The following SOBP variants were observed in gnomAD, a reference collection of about 807,000 sequenced individuals.
The protein encoded by SOBP is sine oculis binding protein homolog.
In SOBP, 4 loss-of-function variants were observed where a neutral mutation model predicts 53.6. That is an observed-to-expected ratio of 0.07 (90% CI 0.04 to 0.17). The LOEUF (loss-of-function observed/expected upper bound fraction) is 0.17, where lower values mean the gene tolerates loss of function less well. Ranked by LOEUF, SOBP falls within the 10% of genes least tolerant of loss-of-function variation. The pLI, the probability that SOBP is intolerant of heterozygous loss-of-function variation, is 1.00. For missense variants in SOBP, 1,088 were observed against 1,204.7 expected (o/e 0.90, Z 1.43); for synonymous variants, 584 against 522.6 (o/e 1.12, Z -1.60).
At position 107,654,553 on chromosome 6, in the gene SOBP, A is replaced by C. The variant is rs553959338; in HGVS notation, c.*4-3654A>C. ...GTATACTGGTAACAGATTAATATTC[A>C]GTTGTTCAAGTTTATAATTCTACAT... On this transcript the variant is annotated intron_variant, in intron 6 of 6. Coordinates refer to ENST00000317357, the MANE Select transcript of SOBP (RefSeq NM_018013.4). Among the ~76,000 whole-genome samples, 5 of 152,350 alleles carry C rather than the reference A, an allele frequency of 3.3e-5. No individual in the cohort carries two copies. In the East Asian group the frequency reaches 9.6e-4, roughly 29 times the overall value.
intron 3 of SOBP, among the ~76,000 whole-genome samples, chr6:107,519,990 T>G (rs747376221): frequency 2.0e-5 from 3 of 152,164 alleles, no homozygotes; most frequent in Non-Finnish European, 4.4e-5. Context: ...TATAAAAAAG[T>G]TAGAATTTTA....
rs376863861 is a variant in SOBP at position 107,634,479 on chromosome 6, C to A, written c.1635C>A (p.His545Gln). The stretch of plus-strand genomic sequence containing the variant: ...TCCCCATCCCCATCCCTATCCCTCA[C>A]GTCAGCGACTCCAAGCCCCCCAACG... ...VPIPIPIPIP[H>Q]VSDSKPPNGF... The change falls in exon 6 of 7, where the codon CAC (histidine) becomes CAA (glutamine). Residue 545 changes from histidine to glutamine, a missense_variant. His to Gln is a conservative substitution (Grantham distance 24, BLOSUM62 0). Transcript: ENST00000317357. The surrounding 1 kb of genome is among the most constrained non-coding windows in gnomAD (Gnocchi z 4.5). The A allele has an allele frequency of 2.5e-6, 4 of 1,611,570 alleles. No individual in the cohort carries two copies. Among genetic ancestry groups the A allele is most frequent in the Middle Eastern group, 1.6e-4 (1 of 6,062 alleles).
chr6:107,634,628 C>T lies in SOBP; in HGVS notation c.1784C>T (p.Ala595Val), dbSNP rs778045807. Residue 595 changes from alanine (A) to valine (V), a missense_variant, in exon 6 of 7, where the codon GCG (alanine) becomes GTG (valine). Around this residue, in one of 6 missense-constraint regions of SOBP, gnomAD observed 665 missense variants for 629.7 expected, o/e 1.06. Transcript: ENST00000317357. This position sits in a 1 kb window ranked among gnomAD's most constrained non-coding sequence, Gnocchi z 4.5. ...RDSKQGSSKS[A>V]DSPPGCSGQA... The stretch of plus-strand genomic sequence containing the variant: ...TCCAAGCAGGGCTCGTCCAAGTCCG[C>T]GGACTCGCCCCCCGGCTGCTCGGGC... The T allele has an allele frequency of 3.8e-6, 6 of 1,586,050 alleles. No homozygotes were observed. The highest frequency in any genetic ancestry group is 1.1e-5 in the South Asian group (1 of 89,318).
At chr6:107,536,870 T>A (rs1427011933) in intron 4 of SOBP, among the ~76,000 whole-genome samples, 1 of 152,194 alleles carries the variant, frequency 6.6e-6, no homozygotes, top group Non-Finnish European at 1.5e-5. Flanking sequence ...TTTTGTAGGG[T>A]CCTTATCCCC....
intron 4 of SOBP, among the ~76,000 whole-genome samples, chr6:107,547,264 C>G (rs141157290): frequency 2.0e-5 from 3 of 152,354 alleles, no homozygotes; most frequent in African/African-American, 7.2e-5. Context: ...TGGGCTGACT[C>G]TCAGCATCCC....
chr6:107,503,406 A>G (rs1020508727), intron 1 of SOBP, among the ~76,000 whole-genome samples: 21 of 152,218 alleles, frequency 1.4e-4, no homozygotes, highest in Non-Finnish European at 2.8e-4. Flanking sequence ...ACACTAACAA[A>G]TATAGTTAGT....
chr6:107,532,795 G>GCATCTCCCTTAGGA (rs1396077110), intron 3 of SOBP, among the ~76,000 whole-genome samples: 1 of 152,152 alleles, frequency 6.6e-6, no homozygotes, highest in Non-Finnish European at 1.5e-5. Flanking sequence ...AATCAGGCCT[G>GCATCTCCCTTAGGA]CATCTCCCTT....
intron 6 of SOBP, among the ~76,000 whole-genome samples, chr6:107,648,703 G>A (rs1021610311): frequency 2.0e-5 from 3 of 152,076 alleles, no homozygotes; most frequent in African/African-American, 4.8e-5. Flanking sequence ...CTCTCCCAGC[G>A]GGAGGGGGAA....
intron 4 of SOBP, among the ~76,000 whole-genome samples, chr6:107,557,431 A>G (rs185714825): frequency 1.3e-5 from 2 of 152,346 alleles, no homozygotes; most frequent in African/African-American, 4.8e-5. Context: ...AATTGTTCCG[A>G]AACTATTAAA....
In SOBP at chr6:107,632,330, C is replaced by CA. The variant is rs1276468205; in HGVS notation, c.670-1184_670-1183insA. Among the ~76,000 whole-genome samples, 10 of 150,872 alleles carry CA rather than the reference C, an allele frequency of 6.6e-5. No homozygotes were observed. The East Asian group carries it at 1.8e-3, about 26-fold the overall frequency. Reference sequence around the variant, plus strand: ...TGAGTGCTGAGAAAATGGCCCCCCCCCAAAAAAAAGGAAAAAAAGAAAAAA... The same window carrying CA: ...TGAGTGCTGAGAAAATGGCCCCCCCCACAAAAAAAAGGAAAAAAAGAAAAAA... On this transcript the variant is annotated intron_variant, in intron 5 of 6. Coordinates refer to ENST00000317357, the MANE Select transcript of SOBP (RefSeq NM_018013.4).
At chr6:107,611,546 A>G (rs1173957894) in intron 5 of SOBP, among the ~76,000 whole-genome samples, 2 of 152,286 alleles carry the variant, frequency 1.3e-5, no homozygotes, top group South Asian at 4.2e-4. Context: ...TGCTGAGTAG[A>G]AGCTATCACT....
intron 4 of SOBP, among the ~76,000 whole-genome samples, chr6:107,573,634 T>G (rs1232742016): frequency 2.6e-5 from 4 of 152,242 alleles, no homozygotes; most frequent in African/African-American, 9.6e-5. Flanking sequence ...TCTGTACTAA[T>G]GTCCTCAACT....
rs79945837 is a variant in SOBP, at chr6:107,660,797, A to G, written c.*2594A>G. 0.015 allele frequency among the ~76,000 whole-genome samples: 2,279 copies of G among 152,296 alleles called. 33 individuals are homozygous for G. The highest frequency in any genetic ancestry group is 0.066 in the East Asian group (342 of 5,186). Reference sequence around the variant, plus strand: ...TCGACCTGTTCAGAGTCTCGCACTTAGTTGATTTAGCTTCTCAAAAAAATG... The same window carrying G: ...TCGACCTGTTCAGAGTCTCGCACTTGGTTGATTTAGCTTCTCAAAAAAATG... On this transcript the variant is annotated 3_prime_UTR_variant, in exon 7 of 7. Transcript: ENST00000317357.
chr6:107,624,800 G>A (rs906362934), intron 5 of SOBP, among the ~76,000 whole-genome samples: 2 of 152,202 alleles, frequency 1.3e-5, no homozygotes, highest in Admixed American at 1.3e-4. Context: ...GGAAACCCAA[G>A]CTTGCTGTGG....
At chr6:107,603,876 T>C (rs1786273267) in intron 5 of SOBP, among the ~76,000 whole-genome samples, 1 of 152,142 alleles carries the variant, frequency 6.6e-6, no homozygotes, top group Non-Finnish European at 1.5e-5. Context: ...TAACTTTGGA[T>C]TGAACAATTG....
At chr6:107,603,983 G>C (rs1473243062) in intron 5 of SOBP, among the ~76,000 whole-genome samples, 2 of 152,182 alleles carry the variant, frequency 1.3e-5, no homozygotes, top group African/African-American at 4.8e-5. Flanking sequence ...GGCAGACATG[G>C]GCACCTTGGC....
chr6:107,542,829 T>C (rs1011787618), intron 4 of SOBP, among the ~76,000 whole-genome samples: 1 of 151,996 alleles, frequency 6.6e-6, no homozygotes, highest in Non-Finnish European at 1.5e-5. Flanking sequence ...GGGTAAGTGT[T>C]CTGACACAGC....
chr6:107,656,307 G>GA (rs1426840924), intron 6 of SOBP, among the ~76,000 whole-genome samples: 1 of 13,216 alleles, frequency 7.6e-5, no homozygotes, highest in Non-Finnish European at 1.3e-4. Flanking sequence ...AAGAAAGAAA[G>GA]AAAGAAAGAA....
Position 107,490,583 on chromosome 6 carries a change from C to G in SOBP, c.-34C>G. 1 of 1,532,818 alleles carries G rather than the reference C, an allele frequency of 6.5e-7. No individual in the cohort carries two copies. The highest frequency in any genetic ancestry group is 8.9e-7 in the Non-Finnish European group (1 of 1,121,604). The allele number at this position is 1,532,818 out of a possible 1,614,324, so 95.0% of individuals were successfully genotyped here. On this transcript the variant is annotated 5_prime_UTR_variant, in exon 1 of 7. Transcript: ENST00000317357. ...CCACCACCGCCGGCGGCGGCAGCAGCCATTTCATCTCCACAGAAACCAGAC... is the reference window on the plus strand; with the variant it reads ...CCACCACCGCCGGCGGCGGCAGCAGGCATTTCATCTCCACAGAAACCAGAC...
Sources: allele counts gnomAD v4.1 joint callset (sites outside exome capture counted in the v4.1 genomes callset), GRCh38; gene constraint gnomAD v4.1.1; regional missense constraint gnomAD v4.1.1; non-coding constraint Gnocchi (gnomAD v3.1); transcripts MANE v1.5; gene names NCBI Gene and HGNC (gene_info 2026-07-23, HGNC 2026-07-21).